Variants in BCL2L11 observed in about 807,000 individuals in gnomAD.
The protein encoded by BCL2L11 is bcl-2-like protein 11.
Under a neutral mutation model 20.6 loss-of-function variants are expected in BCL2L11, and 15 were observed. The observed-to-expected ratio is 0.73, with a 90% CI of 0.49 to 1.12. The LOEUF (loss-of-function observed/expected upper bound fraction) is 1.12, where lower values mean the gene tolerates loss of function less well. BCL2L11 is among the 50% of genes most tolerant of loss of function. The pLI is 0.00. For missense variants in BCL2L11, 292 were observed against 260.9 expected (o/e 1.12, Z -0.82); for synonymous variants, 108 against 92.8 (o/e 1.16, Z -0.94).
chr2:111,139,280 C>T (rs2075417352), intron 2 of BCL2L11, among the ~76,000 whole-genome samples: 1 of 152,178 alleles, frequency 6.6e-6, no homozygotes, highest in Non-Finnish European at 1.5e-5. Flanking sequence ...TGCCCCACCC[C>T]AGCGCTGTCT....
At position 111,168,407 on chromosome 2, in the gene BCL2L11, T is replaced by C. The variant is rs995871322; in HGVS notation, c.*4176T>C. 3.3e-5 allele frequency: 5 copies of C among 152,682 alleles called. No homozygotes were observed. The highest frequency in any genetic ancestry group is 5.9e-5 in the Non-Finnish European group (4 of 68,050). 9.5% of individuals were successfully genotyped at this position (152,682 alleles called of 1,614,324 possible). On this transcript the variant is annotated 3_prime_UTR_variant, in exon 4 of 4. Transcript: ENST00000393256. ...ATAACTGCAGATTTTTAAACAATCT[T>C]TTATGTTAATTTTATAAAAATAAAA...
chr2:111,129,051 C>T (rs1027313952), intron 2 of BCL2L11, among the ~76,000 whole-genome samples: 1 of 152,184 alleles, frequency 6.6e-6, no homozygotes, highest in African/African-American at 2.4e-5. Context: ...GTTTGGTTGA[C>T]TTAGGAGAAT....
At chr2:111,157,115 C>A (rs565760944) in intron 3 of BCL2L11, among the ~76,000 whole-genome samples, 2 of 152,300 alleles carry the variant, frequency 1.3e-5, no homozygotes, top group African/African-American at 4.8e-5. Flanking sequence ...GTTTGCACCA[C>A]GTGTGAGTGC....
rs138600752 is a variant in BCL2L11 at position 111,141,878 on chromosome 2, T to G, written c.395-8166T>G. Among the ~76,000 whole-genome samples, 1,264 of 152,158 alleles carry G rather than the reference T, an allele frequency of 8.3e-3. 21 individuals carry two copies. The highest frequency in any genetic ancestry group is 0.029 in the African/African-American group (1,218 of 41,484). ...CATGCCTGGTGAATTTTTGTATTTTTTTAGTAGAGACAGGTTTTCACCATG... is the reference window on the plus strand; with the variant it reads ...CATGCCTGGTGAATTTTTGTATTTTGTTAGTAGAGACAGGTTTTCACCATG... On this transcript the variant is annotated intron_variant, in intron 2 of 3. Transcript: ENST00000393256.
At chr2:111,146,781 C>G (rs1288147508) in intron 2 of BCL2L11, among the ~76,000 whole-genome samples, 5 of 152,112 alleles carry the variant, frequency 3.3e-5, no homozygotes, top group Non-Finnish European at 4.4e-5. Flanking sequence ...TTATGTTGCA[C>G]TGTACTAACA....
chr2:111,156,567 C>A (rs2077879101), intron 3 of BCL2L11, among the ~76,000 whole-genome samples: 1 of 152,180 alleles, frequency 6.6e-6, no homozygotes, highest in South Asian at 2.1e-4. Context: ...CTTGGTTCTT[C>A]CCCTCAGACT....
chr2:111,130,110 T>TC (rs1491252309), intron 2 of BCL2L11: 26 of 144,810 alleles, frequency 1.8e-4, no homozygotes, highest in African/African-American at 5.6e-4. Flanking sequence ...TTTACTTCTC[T>TC]TTTTTTTTTT....
chr2:111,154,121 T>G (rs757086133), intron 3 of BCL2L11, among the ~76,000 whole-genome samples: 2 of 152,216 alleles, frequency 1.3e-5, no homozygotes. Flanking sequence ...CCCACTTGTT[T>G]TCATGTTTTC....
chr2:111,124,255 T>A (rs2150149045), intron 2 of BCL2L11, 116 bp downstream of exon 2: 7 of 1,239,394 alleles, frequency 5.6e-6, no homozygotes, highest in South Asian at 1.6e-5. Flanking sequence ...ATTCCATCTT[T>A]AGATGGGAAT....
chr2:111,144,464 C>T lies in BCL2L11; in HGVS notation c.395-5580C>T, dbSNP rs115636317. The T allele has an allele frequency of 2.0e-3, 3,062 of 1,550,410 alleles. 51 individuals carry two copies. In the African/African-American group the frequency reaches 0.035, roughly 18 times the overall value. ...TAGCATTTACCGCAAACGCTGATGG[C>T]AGTTGCTCTCCTTTGCCTTATAGCT... On this transcript the variant is annotated intron_variant, in intron 2 of 3. Coordinates refer to ENST00000393256, the MANE Select transcript of BCL2L11 (RefSeq NM_138621.5).
At chr2:111,127,125 G>A (rs188608421) in intron 2 of BCL2L11, among the ~76,000 whole-genome samples, 21 of 152,246 alleles carry the variant, frequency 1.4e-4, no homozygotes, top group Admixed American at 9.8e-4. Context: ...TACACTCTGG[G>A]AGGATTAACT....
At chr2:111,161,551 G>A (rs2150587227) in intron 3 of BCL2L11, 1 of 1,543,518 alleles carries the variant, frequency 6.5e-7, no homozygotes, top group Non-Finnish European at 8.7e-7. Flanking sequence ...CCGCTTATGG[G>A]TGTGTTTATT....
intron 3 of BCL2L11, among the ~76,000 whole-genome samples, chr2:111,157,346 C>T (rs1157114455): frequency 6.6e-6 from 1 of 152,222 alleles, no homozygotes; most frequent in Non-Finnish European, 1.5e-5. Flanking sequence ...CTTCTCATAT[C>T]ATCCTTCACT....
chr2:111,124,515 C>G (rs571552654), intron 2 of BCL2L11, among the ~76,000 whole-genome samples: 2 of 152,286 alleles, frequency 1.3e-5, no homozygotes, highest in Admixed American at 1.3e-4. Flanking sequence ...TGGTCTCAAT[C>G]TCCTGACCTT....
chr2:111,156,409 C>T (rs1221677827), intron 3 of BCL2L11, among the ~76,000 whole-genome samples: 1 of 110,190 alleles, frequency 9.1e-6, no homozygotes, highest in African/African-American at 4.7e-5. Context: ...TGCCATTGAT[C>T]AGTGGCACGG....
chr2:111,122,988 C>T (rs1015781934), intron 1 of BCL2L11: 27 of 985,106 alleles, frequency 2.7e-5, no homozygotes, highest in Non-Finnish European at 3.3e-5. Context: ...GCGGCGCGCA[C>T]CGGTGTCGCC....
At position 111,121,143 on chromosome 2, in the gene BCL2L11, G is replaced by T. The variant is rs774161925; in HGVS notation, c.-59G>T. On this transcript the variant is annotated 5_prime_UTR_variant, in exon 1 of 4. Transcript: ENST00000393256. ...GCCTCGGCGCCCTTTCTTGGCCCTT[G>T]TTCCCCCAAATGTCTGACTCTGACT... is the stretch of plus-strand genomic sequence containing the variant. 30 of 265,656 alleles carry T rather than the reference G, an allele frequency of 1.1e-4. No individual in the cohort carries two copies. The highest frequency in any genetic ancestry group is 1.6e-4 in the Non-Finnish European group (22 of 140,502). 16.5% of individuals were successfully genotyped at this position (265,656 alleles called of 1,614,324 possible).
intron 3 of BCL2L11, among the ~76,000 whole-genome samples, chr2:111,157,895 G>T (rs1301676233): frequency 6.6e-6 from 1 of 152,172 alleles, no homozygotes; most frequent in Admixed American, 6.5e-5. Flanking sequence ...CCTGGTTTGG[G>T]GTGAAGGTAC....
rs1258230355 is a variant in BCL2L11 at position 111,168,075 on chromosome 2, G to A, written c.*3844G>A. 6.5e-6 allele frequency: 1 copy of A among 152,684 alleles called. No homozygotes were observed. Among genetic ancestry groups the A allele is most frequent in the African/African-American group, 2.4e-5 (1 of 41,472 alleles). The allele number at this position is 152,684 out of a possible 1,614,324, so 9.5% of individuals were successfully genotyped here. On this transcript the variant is annotated 3_prime_UTR_variant, in exon 4 of 4. Transcript: ENST00000393256. Reference sequence around the variant, plus strand: ...GTTGGGGTCTACTCTAAACAGCATTGTGTGTAAGAAGCATCCTCAAGCTCC... The same window carrying A: ...GTTGGGGTCTACTCTAAACAGCATTATGTGTAAGAAGCATCCTCAAGCTCC...
Sources: allele counts gnomAD v4.1 joint callset (sites outside exome capture counted in the v4.1 genomes callset), GRCh38; gene constraint gnomAD v4.1.1; transcripts MANE v1.5; gene names NCBI Gene and HGNC (gene_info 2026-07-23, HGNC 2026-07-21).